Variants in PPP3CA observed in about 807,000 individuals in gnomAD.
The protein encoded by PPP3CA is CAM-PRP catalytic subunit.
A neutral mutation model predicts 66.5 loss-of-function variants in PPP3CA; 14 were observed. That is an observed-to-expected ratio of 0.21 (90% CI 0.14 to 0.33). The LOEUF (loss-of-function observed/expected upper bound fraction) is 0.33, where lower values mean the gene tolerates loss of function less well. PPP3CA is among the 10% of genes least tolerant of loss of function. PPP3CA has a pLI of 1.00. For missense variants in PPP3CA, 317 were observed against 639.5 expected, an observed-to-expected ratio of 0.50 and a Z score of 5.44; for synonymous variants, 232 against 226.2, an observed-to-expected ratio of 1.03 and a Z score of -0.23.
chr4:101,346,962 T>C lies in PPP3CA; in HGVS notation c.-166A>G. The C allele has an allele frequency of 1.4e-6, 1 of 734,594 alleles. No homozygotes were observed. The highest frequency in any genetic ancestry group is 2.2e-6 in the Non-Finnish European group (1 of 454,468). 45.5% of individuals were successfully genotyped at this position (734,594 alleles called of 1,614,324 possible). ...TGAGCTGGCTTTAAAGTTGCTGCCT[T>C]TTCCGCGCGTCCCTCCTCCGCCGCC... On this transcript the variant is annotated 5_prime_UTR_variant, in exon 1 of 14. Coordinates refer to ENST00000394854, the MANE Select transcript of PPP3CA (RefSeq NM_000944.5).
chr4:101,194,599 C>G (rs563920037), intron 2 of PPP3CA, among the ~76,000 whole-genome samples: 11 of 152,148 alleles, frequency 7.2e-5, no homozygotes, highest in African/African-American at 2.2e-4. Flanking sequence ...TGGAGTCTCA[C>G]TCTGTCACCC....
chr4:101,106,117 G>A (rs1355513298), intron 3 of PPP3CA, among the ~76,000 whole-genome samples: 2 of 151,952 alleles, frequency 1.3e-5, no homozygotes, highest in Non-Finnish European at 2.9e-5. Context: ...GAGCTAAAGA[G>A]ATGGAGACCA....
In PPP3CA at chr4:101,164,266, G is replaced by A. The variant is rs116383168; in HGVS notation, c.259+31650C>T. ...ACCCCATACAATTTTCTATTTGTATGGAACTTATCACCTTCTAACATCTTT... is the reference window on the plus strand; with the variant it reads ...ACCCCATACAATTTTCTATTTGTATAGAACTTATCACCTTCTAACATCTTT... On this transcript the variant is annotated intron_variant, in intron 2 of 13. Transcript: ENST00000394854. Among the ~76,000 whole-genome samples, 159 of 152,030 alleles carry A rather than the reference G, an allele frequency of 1.0e-3. 1 individual carries two copies. Among genetic ancestry groups the A allele is most frequent in the African/African-American group, 3.7e-3 (155 of 41,452 alleles).
At chr4:101,130,815 A>G (rs1382212855) in intron 2 of PPP3CA, among the ~76,000 whole-genome samples, 1 of 152,250 alleles carries the variant, frequency 6.6e-6, no homozygotes, top group African/African-American at 2.4e-5. Context: ...TATCGATATT[A>G]TGAAGAAACT....
intron 1 of PPP3CA, among the ~76,000 whole-genome samples, chr4:101,242,042 C>T (rs1726327538): frequency 6.6e-6 from 1 of 152,112 alleles, no homozygotes; most frequent in African/African-American, 2.4e-5. Context: ...CTGTTTCACT[C>T]TTCTGCCTTC....
Position 101,208,277 on chromosome 4 carries a change from G to A in PPP3CA, c.59-12161C>T, listed in dbSNP as rs186130258. ...CAGATGATATAAGTGTGTGCTACTC[G>A]AACAATGGAGTTGTATTTTGTTTTG... On this transcript the variant is annotated intron_variant, in intron 1 of 13. Transcript: ENST00000394854. Among the ~76,000 whole-genome samples the A allele has an allele frequency of 1.1e-3, 162 of 152,150 alleles. 1 individual carries two copies. The highest frequency in any genetic ancestry group is 3.6e-3 in the African/African-American group (151 of 41,518).
intron 1 of PPP3CA, among the ~76,000 whole-genome samples, chr4:101,216,286 C>T (rs1378000934): frequency 2.6e-5 from 4 of 152,068 alleles, no homozygotes; most frequent in Non-Finnish European, 4.4e-5. Context: ...TACATAATTT[C>T]CTTCTCATTT....
intron 12 of PPP3CA, 152 bp from the exon 13 acceptor site, chr4:101,029,347 TA>T (rs34620032): frequency 0.014 from 1,078 of 79,464 alleles, 6 homozygotes; most frequent in African/African-American, 0.058. Flanking sequence ...ACAGAAATGC[TA>T]AAAAAAAAAA....
chr4:101,324,289 G>C (rs1469379251), intron 1 of PPP3CA, among the ~76,000 whole-genome samples: 1 of 151,916 alleles, frequency 6.6e-6, no homozygotes, highest in Non-Finnish European at 1.5e-5. Context: ...CATGGCAACA[G>C]GGCAAATAAG....
chr4:101,056,789 G>A (rs1207945565), intron 10 of PPP3CA, among the ~76,000 whole-genome samples: 3 of 151,504 alleles, frequency 2.0e-5, no homozygotes, highest in Non-Finnish European at 4.4e-5. Context: ...AGGAAGGACA[G>A]GGTGCCGCAA....
At chr4:101,036,418 T>C (rs1578392563) in intron 11 of PPP3CA, among the ~76,000 whole-genome samples, 1 of 12,808 alleles carries the variant, frequency 7.8e-5, no homozygotes, top group Non-Finnish European at 2.5e-4. Flanking sequence ...TCTTTCTTTC[T>C]TTTTTTTTTT....
chr4:101,230,795 C>T (rs1725937085), intron 1 of PPP3CA, among the ~76,000 whole-genome samples: 1 of 151,708 alleles, frequency 6.6e-6, no homozygotes, highest in South Asian at 2.1e-4. Context: ...GCTTTCTAGT[C>T]TCACCTTCTG....
intron 2 of PPP3CA, among the ~76,000 whole-genome samples, chr4:101,190,533 C>T (rs921211953): frequency 9.2e-5 from 14 of 152,118 alleles, no homozygotes; most frequent in South Asian, 8.3e-4. Context: ...ATTACTGATT[C>T]GTACACACAA....
At chr4:101,271,322 T>G (rs1727330639) in intron 1 of PPP3CA, among the ~76,000 whole-genome samples, 1 of 152,108 alleles carries the variant, frequency 6.6e-6, no homozygotes, top group African/African-American at 2.4e-5. Context: ...ATTCAACCAA[T>G]AAGAACTGAC....
chr4:101,085,118 T>C (rs756272063), intron 6 of PPP3CA, among the ~76,000 whole-genome samples: 22 of 152,260 alleles, frequency 1.4e-4, no homozygotes, highest in Non-Finnish European at 2.9e-4. Flanking sequence ...ATTTGTTTGG[T>C]ATATATTAGC....
intron 9 of PPP3CA, among the ~76,000 whole-genome samples, chr4:101,062,317 T>C (rs1461609595): frequency 6.6e-6 from 1 of 152,028 alleles, no homozygotes; most frequent in African/African-American, 2.4e-5. Flanking sequence ...AAGGGAAGGC[T>C]TCTTTGCCAA....
At chr4:101,222,894 A>G (rs2110215473) in intron 1 of PPP3CA, among the ~76,000 whole-genome samples, 1 of 151,932 alleles carries the variant, frequency 6.6e-6, no homozygotes, top group Middle Eastern at 3.4e-3. Flanking sequence ...CAAAGACACA[A>G]GTTAAAATTT....
intron 1 of PPP3CA, among the ~76,000 whole-genome samples, chr4:101,230,335 T>A (rs924568401): frequency 6.0e-4 from 90 of 150,570 alleles, no homozygotes; most frequent in African/African-American, 2.0e-3. Context: ...TTTATATCAT[T>A]AATTTTTGTA....
chr4:101,206,376 G>A (rs1725130709), intron 1 of PPP3CA, among the ~76,000 whole-genome samples: 1 of 152,110 alleles, frequency 6.6e-6, no homozygotes, highest in African/African-American at 2.4e-5. Context: ...AATCAAACAT[G>A]CATTTTTTAA....
Sources: allele counts gnomAD v4.1 joint callset (sites outside exome capture counted in the v4.1 genomes callset), GRCh38; gene constraint gnomAD v4.1.1; transcripts MANE v1.5; gene names NCBI Gene and HGNC (gene_info 2026-07-23, HGNC 2026-07-21).